ATP8B3: variants seen among roughly 807,000 people sequenced by gnomAD.
ATP8B3 encodes the protein phospholipid-transporting ATPase IK.
A neutral mutation model predicts 140.9 loss-of-function variants in ATP8B3; 141 were observed. The observed-to-expected ratio is 1.00, with a 90% CI of 0.87 to 1.15. The LOEUF (loss-of-function observed/expected upper bound fraction) is 1.15. Ranked by LOEUF, ATP8B3 falls within the 50% of genes most tolerant of loss-of-function variation. The pLI, the probability that ATP8B3 is intolerant of heterozygous loss-of-function variation, is 0.00. For missense variants in ATP8B3, 1,874 were observed against 1,740.6 expected (o/e 1.08, Z -1.36); for synonymous variants, 765 against 714.6 (o/e 1.07, Z -1.13).
chr19:1,790,973 A>G (rs1321917391), intron 20 of ATP8B3, 141 bp from the exon 21 acceptor site: 5 of 724,320 alleles, frequency 6.9e-6, no homozygotes, highest in Non-Finnish European at 1.1e-5. Context: ...ATTGGTTCAG[A>G]GAAGGGCTTG....
rs997887356 is a variant in ATP8B3 at position 1,805,803 on chromosome 19, C to T, written c.821+85G>A. 53 of 1,540,708 alleles carry T rather than the reference C, an allele frequency of 3.4e-5. No individual in the cohort carries two copies. Among genetic ancestry groups the T allele is most frequent in the African/African-American group, 2.7e-4 (20 of 73,036 alleles). ...AAGTCTCTGAGCGACCTTGGCTGGC[C>T]GCCTCCTTGGTGACTGGGGAAGGGG... is the stretch of plus-strand genomic sequence containing the variant. On this transcript the variant is annotated intron_variant, in intron 9 of 28. Coordinates refer to ENST00000310127, the MANE Select transcript of ATP8B3 (RefSeq NM_138813.4). This position sits in a 1 kb window ranked among gnomAD's most constrained non-coding sequence, Gnocchi z 5.2.
chr19:1,806,252 G>A lies in ATP8B3; in HGVS notation c.678-83C>T. On this transcript the variant is annotated intron_variant, in intron 7 of 28. Coordinates refer to ENST00000310127, the MANE Select transcript of ATP8B3 (RefSeq NM_138813.4). This position sits in a 1 kb window ranked among gnomAD's most constrained non-coding sequence, Gnocchi z 5.6. ...GGGAGACCAGAGGCACGGGATGACGGGGGGCCCGCAGCTGCAGTCCCCACC... is the reference window on the plus strand; with the variant it reads ...GGGAGACCAGAGGCACGGGATGACGAGGGGCCCGCAGCTGCAGTCCCCACC... 1 of 1,532,902 alleles carries A rather than the reference G, an allele frequency of 6.5e-7. No individual in the cohort carries two copies. 95.0% of individuals were successfully genotyped at this position (1,532,902 alleles called of 1,614,324 possible).
In ATP8B3 at chr19:1,806,499, T is replaced by C; in HGVS notation, c.677+129A>G. 8 of 1,493,266 alleles carry C rather than the reference T, an allele frequency of 5.4e-6. No individual in the cohort carries two copies. The South Asian group carries it at 1.1e-4, about 20-fold the overall frequency. The allele number at this position is 1,493,266 out of a possible 1,614,324, so 92.5% of individuals were successfully genotyped here. On this transcript the variant is annotated intron_variant, in intron 7 of 28. Transcript: ENST00000310127. This position sits in a 1 kb window ranked among gnomAD's most constrained non-coding sequence, Gnocchi z 5.6. Reference sequence around the variant, plus strand: ...AACGCCTAATGAATGCAGGCCCGGTTCCTGTCGGACTCAACCAGCCGGGAG... The same window carrying C: ...AACGCCTAATGAATGCAGGCCCGGTCCCTGTCGGACTCAACCAGCCGGGAG...
In ATP8B3 at chr19:1,783,151, A is replaced by G. The variant is rs926056420; in HGVS notation, c.3780T>C (p.Tyr1260=). Residue 1260 remains tyrosine, a synonymous_variant, in exon 29 of 29, where the codon TAT becomes TAC. Transcript: ENST00000310127. ...TTGTGCCCTGAGTGATGAGGTTTGC[A>G]TATCCCTCACGGTGGGAGAAAGCAT... ...SSYAFSHREG[Y]ANLITQGTIL... 6.2e-7 allele frequency: 1 copy of G among 1,613,416 alleles called. No individual in the cohort carries two copies. The highest frequency in any genetic ancestry group is 8.5e-7 in the Non-Finnish European group (1 of 1,179,708).
intron 28 of ATP8B3, 86 bp downstream of exon 28, chr19:1,784,733 C>T: frequency 1.4e-6 from 2 of 1,450,764 alleles, no homozygotes; most frequent in Non-Finnish European, 9.2e-7. Context: ...GGCCGGGACA[C>T]CTTGCAGTCC....
At position 1,800,551 on chromosome 19, in the gene ATP8B3, G is replaced by C; in HGVS notation, c.1153-102C>G. The C allele has an allele frequency of 9.3e-7, 1 of 1,071,684 alleles. No individual in the cohort carries two copies. Among genetic ancestry groups the C allele is most frequent in the Admixed American group, 2.3e-5 (1 of 44,186 alleles). The allele number at this position is 1,071,684 out of a possible 1,614,324, so 66.4% of individuals were successfully genotyped here. ...AGATAAGGCTGGGGCTGGGCACAGT[G>C]GCTCATGCCTGTAATCTCAGCACTT... On this transcript the variant is annotated intron_variant, in intron 12 of 28. Coordinates refer to ENST00000310127, the MANE Select transcript of ATP8B3 (RefSeq NM_138813.4). This position sits in a 1 kb window ranked among gnomAD's most constrained non-coding sequence, Gnocchi z 4.4.
chr19:1,803,740 T>C (rs1948069895), intron 10 of ATP8B3, among the ~76,000 whole-genome samples: 1 of 151,052 alleles, frequency 6.6e-6, no homozygotes, highest in Non-Finnish European at 1.5e-5. Context: ...CTACTGAAAA[T>C]ACAAAATTAG....
At chr19:1,810,789 T>G in intron 2 of ATP8B3, 106 bp from the exon 3 acceptor site, 2 of 1,012,476 alleles carry the variant, frequency 2.0e-6, no homozygotes, top group Non-Finnish European at 2.8e-6. Context: ...TCTCAAATGC[T>G]ACCTCCCACA....
intron 27 of ATP8B3, 85 bp downstream of exon 27, chr19:1,785,071 GGAC>G: frequency 6.7e-7 from 1 of 1,481,876 alleles, no homozygotes; most frequent in East Asian, 2.4e-5. Flanking sequence ...ACACTTTGCC[GGAC>G]GACTGTCATG....
Position 1,800,333 on chromosome 19 carries a change from G to T in ATP8B3, c.1269C>A (p.Ala423=). ...YLSGVHGSSV[A]AESFFVFWSF... is the part of the protein sequence containing the mutation. ...TCCAGAAGACGAAGAAGGACTCTGC[G>T]GCCACGCTGCTCCCATGCACCCCCG... Residue 423 remains alanine, a synonymous_variant, in exon 13 of 29, where the codon GCC becomes GCA. Transcript: ENST00000310127. The surrounding 1 kb of genome is among the most constrained non-coding windows in gnomAD (Gnocchi z 4.4). 6.2e-7 allele frequency: 1 copy of T among 1,612,934 alleles called. No homozygotes were observed. The highest frequency in any genetic ancestry group is 1.7e-5 in the Admixed American group (1 of 60,008).
chr19:1,806,241 A>G lies in ATP8B3; in HGVS notation c.678-72T>C, dbSNP rs1457343222. 6.5e-7 allele frequency: 1 copy of G among 1,537,908 alleles called. No homozygotes were observed. Among genetic ancestry groups the G allele is most frequent in the Non-Finnish European group, 8.7e-7 (1 of 1,144,352 alleles). Reference sequence around the variant, plus strand: ...CTCCCCACACCGGGAGACCAGAGGCACGGGATGACGGGGGGCCCGCAGCTG... The same window carrying G: ...CTCCCCACACCGGGAGACCAGAGGCGCGGGATGACGGGGGGCCCGCAGCTG... On this transcript the variant is annotated intron_variant, in intron 7 of 28. Transcript: ENST00000310127. The surrounding 1 kb of genome is among the most constrained non-coding windows in gnomAD (Gnocchi z 5.6).
chr19:1,800,468 A>C lies in ATP8B3; in HGVS notation c.1153-19T>G. 400 of 950,362 alleles carry C rather than the reference A, an allele frequency of 4.2e-4. No homozygotes were observed. Among genetic ancestry groups the C allele is most frequent in the Non-Finnish European group, 5.8e-4 (367 of 632,708 alleles). 58.9% of individuals were successfully genotyped at this position (950,362 alleles called of 1,614,324 possible). On this transcript the variant is annotated intron_variant, in intron 12 of 28. Coordinates refer to ENST00000310127, the MANE Select transcript of ATP8B3 (RefSeq NM_138813.4). This position sits in a 1 kb window ranked among gnomAD's most constrained non-coding sequence, Gnocchi z 4.4. Reference sequence around the variant, plus strand: ...TGAAGATCTGGAAGGCAGACGCGACAGGGTGGGTGAGGGGGGCGGGGGTCC... The same window carrying C: ...TGAAGATCTGGAAGGCAGACGCGACCGGGTGGGTGAGGGGGGCGGGGGTCC...
chr19:1,804,794 G>A (rs1463245183), intron 10 of ATP8B3, among the ~76,000 whole-genome samples: 2 of 152,082 alleles, frequency 1.3e-5, no homozygotes, highest in African/African-American at 4.8e-5. Flanking sequence ...AGACAAGAGC[G>A]AAACTCCGTC....
chr19:1,793,489 G>GC (rs2068578170), intron 18 of ATP8B3, among the ~76,000 whole-genome samples: 1 of 152,126 alleles, frequency 6.6e-6, no homozygotes, highest in Non-Finnish European at 1.5e-5. Context: ...CCAGTCCCAG[G>GC]CCCCTCCCTC....
intron 10 of ATP8B3, 108 bp from the exon 11 acceptor site, chr19:1,802,753 T>G: frequency 7.3e-7 from 1 of 1,365,734 alleles, no homozygotes; most frequent in South Asian, 1.4e-5. Flanking sequence ...CGAGCCCCTC[T>G]GTGCCCCAAA....
At chr19:1,796,021 C>A in intron 17 of ATP8B3, 34 bp from the exon 18 acceptor site, 1 of 1,611,748 alleles carries the variant, frequency 6.2e-7, no homozygotes, top group Non-Finnish European at 8.5e-7. Flanking sequence ...CCCACAGAGG[C>A]TCCCCGTCTG....
At chr19:1,791,634 C>A (rs2068513248) in intron 20 of ATP8B3, 116 bp downstream of exon 20, 5 of 750,048 alleles carry the variant, frequency 6.7e-6, no homozygotes, top group Non-Finnish European at 6.7e-6. Flanking sequence ...CTCAAGTGAT[C>A]CGCCCGCCTC....
Position 1,785,154 on chromosome 19 carries a change from C to A in ATP8B3, c.3532+5G>T. On this transcript the variant is annotated splice_donor_5th_base_variant and intron_variant, in intron 27 of 28. Coordinates refer to ENST00000310127, the MANE Select transcript of ATP8B3 (RefSeq NM_138813.4). ...CGCCCGTCCCACTTCCCCATGGGGG[C>A]TCACACAGAAACGGGAAGGTCGTGG... The A allele has an allele frequency of 1.3e-6, 2 of 1,560,062 alleles. No individual in the cohort carries two copies. Among genetic ancestry groups the A allele is most frequent in the Non-Finnish European group, 8.7e-7 (1 of 1,154,184 alleles).
At position 1,782,937 on chromosome 19, in the gene ATP8B3, T is replaced by C. The variant is rs2145164385; in HGVS notation, c.*91A>G. The C allele has an allele frequency of 1.4e-6, 2 of 1,459,836 alleles. No homozygotes were observed. The highest frequency in any genetic ancestry group is 1.3e-5 in the South Asian group (1 of 76,842). The allele number at this position is 1,459,836 out of a possible 1,614,324, so 90.4% of individuals were successfully genotyped here. Reference sequence around the variant, plus strand: ...TGTCTATCCATAGAAAATGATGAGCTAGGTGTAGGGGGGAGCTGTACTTCC... The same window carrying C: ...TGTCTATCCATAGAAAATGATGAGCCAGGTGTAGGGGGGAGCTGTACTTCC... On this transcript the variant is annotated 3_prime_UTR_variant, in exon 29 of 29. Transcript: ENST00000310127.
Sources: gnomAD v4.1 joint callset for allele counts (sites outside exome capture counted in the v4.1 genomes callset) on GRCh38, gnomAD v4.1.1 for gene constraint, Gnocchi (gnomAD v3.1) non-coding constraint, MANE v1.5 for transcripts, NCBI Gene and HGNC (gene_info 2026-07-23, HGNC 2026-07-21) for gene names.